PPFIBP1: variants seen among roughly 807,000 people sequenced by gnomAD.
The protein encoded by PPFIBP1 is PPFIB scaffold protein 1.
PPFIBP1 carries 112 observed loss-of-function variants against 137.8 expected under a neutral mutation model. The observed-to-expected ratio is 0.81, with a 90% CI of 0.70 to 0.95. The LOEUF (loss-of-function observed/expected upper bound fraction) is 0.95, where lower values mean the gene tolerates loss of function less well. PPFIBP1 is among the 40% of genes least tolerant of loss of function. The pLI, the probability that PPFIBP1 is intolerant of heterozygous loss-of-function variation, is 0.00. For missense variants in PPFIBP1, 1,083 were observed against 1,196.6 expected, an observed-to-expected ratio of 0.91 and a Z score of 1.40; for synonymous variants, 378 against 417.3, an observed-to-expected ratio of 0.91 and a Z score of 1.15.
chr12:27,637,164 T>A (rs1231029143), intron 4 of PPFIBP1: 2 of 152,238 alleles, frequency 1.3e-5, no homozygotes, highest in Non-Finnish European at 2.9e-5. Flanking sequence ...TTATTTTCTG[T>A]CTTTCCAATT....
intron 1 of PPFIBP1, among the ~76,000 whole-genome samples, chr12:27,577,213 C>CTT (rs34428994): frequency 1.2e-4 from 17 of 143,780 alleles, no homozygotes; most frequent in Admixed American, 1.0e-3. Context: ...TTTTCTGAAG[C>CTT]TTTTTTTTTT....
In PPFIBP1 at chr12:27,667,164, A is replaced by G. The variant is rs1056600841; in HGVS notation, c.992-2A>G. 6.4e-7 allele frequency: 1 copy of G among 1,558,852 alleles called. No individual in the cohort carries two copies. Among genetic ancestry groups the G allele is most frequent in the African/African-American group, 1.4e-5 (1 of 72,986 alleles). ...TCTTCTCTTTGTTTTATCTTTTCCT[A>G]GGCAAAGATGGAGAATATGAAGAGC... On this transcript the variant is annotated splice_acceptor_variant, in intron 12 of 29. Coordinates refer to ENST00000228425, the MANE Select transcript of PPFIBP1 (RefSeq NM_003622.4). LOFTEE classifies it high-confidence loss of function.
chr12:27,589,584 G>A (rs1240732780), intron 2 of PPFIBP1, among the ~76,000 whole-genome samples: 1 of 152,186 alleles, frequency 6.6e-6, no homozygotes, highest in South Asian at 2.1e-4. Context: ...GACTTGCAAA[G>A]CACACTGCTT....
intron 2 of PPFIBP1, among the ~76,000 whole-genome samples, chr12:27,586,637 C>G (rs142897702): frequency 0.02 from 3,008 of 151,876 alleles, 69 homozygotes; most frequent in African/African-American, 0.052. Flanking sequence ...GCAGAGGTTG[C>G]AGTGAGCAGA....
rs1338301948 is a variant in PPFIBP1 at position 27,694,791 on chromosome 12, A to G, written c.*1909A>G. 2 of 152,220 alleles carry G rather than the reference A, an allele frequency of 1.3e-5. No homozygotes were observed. The highest frequency in any genetic ancestry group is 2.9e-5 in the Non-Finnish European group (2 of 68,050). The allele number at this position is 152,220 out of a possible 1,614,324, so 9.4% of individuals were successfully genotyped here. On this transcript the variant is annotated 3_prime_UTR_variant, in exon 30 of 30. Coordinates refer to ENST00000228425, the MANE Select transcript of PPFIBP1 (RefSeq NM_003622.4). The stretch of plus-strand genomic sequence containing the variant: ...CCAACCCTACAAAAGACAGGTTTTC[A>G]CAAATTGAGGTGGAGGTGGGCGGTT...
At chr12:27,656,879 A>C in intron 9 of PPFIBP1, 149 bp downstream of exon 9, 8 of 575,614 alleles carry the variant, frequency 1.4e-5, no homozygotes, top group East Asian at 6.1e-5. Flanking sequence ...GGGATTCTCC[A>C]AGACTCTTTA....
intron 2 of PPFIBP1, among the ~76,000 whole-genome samples, chr12:27,618,421 A>G (rs749159504): frequency 3.9e-5 from 6 of 152,342 alleles, no homozygotes; most frequent in South Asian, 4.1e-4. Flanking sequence ...TTGACAATCT[A>G]TTCTCTGAAG....
intron 2 of PPFIBP1, among the ~76,000 whole-genome samples, chr12:27,631,270 A>C (rs998638602): frequency 6.6e-6 from 1 of 152,138 alleles, no homozygotes; most frequent in Admixed American, 6.5e-5. Context: ...TAGGAATTCT[A>C]CACTTGGAAT....
In PPFIBP1 at chr12:27,682,407, A is replaced by G. The variant is rs141451946; in HGVS notation, c.2067A>G (p.Ser689=). 1.8e-4 allele frequency: 297 copies of G among 1,612,580 alleles called. No individual in the cohort carries two copies. Among genetic ancestry groups the G allele is most frequent in the Non-Finnish European group, 2.4e-4 (288 of 1,178,726 alleles). Residue 689 remains serine, a synonymous_variant, in exon 23 of 30, where the codon TCA becomes TCG. Transcript: ENST00000228425. The part of the protein sequence containing the change: ...DLEKELGIKH[S]LHRKKLQLAL... ...TTCAGGAACTTGGAATCAAGCATTC[A>G]CTTCATCGAAAGAAACTCCAGCTAG...
intron 21 of PPFIBP1, among the ~76,000 whole-genome samples, chr12:27,680,958 T>C (rs1215341041): frequency 1.3e-5 from 2 of 152,210 alleles, no homozygotes; most frequent in African/African-American, 4.8e-5. Flanking sequence ...TGCCATATGT[T>C]GTCTTTGAAC....
rs564105809 is a variant in PPFIBP1 at position 27,582,788 on chromosome 12, A to T, written c.-36+4549A>T. Among the ~76,000 whole-genome samples the T allele has an allele frequency of 6.6e-5, 10 of 152,344 alleles. No homozygotes were observed. In the South Asian group the frequency reaches 1.0e-3, roughly 16 times the overall value. ...CTGTAGAAATTATAGCAGCTTTCCG[A>T]TTGAAATAGCCCTGAGAGTTTCTTG... On this transcript the variant is annotated intron_variant, in intron 2 of 29. Coordinates refer to ENST00000228425, the MANE Select transcript of PPFIBP1 (RefSeq NM_003622.4).
intron 1 of PPFIBP1, among the ~76,000 whole-genome samples, chr12:27,542,693 C>T (rs1414508257): frequency 2.0e-5 from 3 of 152,228 alleles, no homozygotes; most frequent in South Asian, 2.1e-4. Flanking sequence ...ACTTCTTTAT[C>T]TGATCTATTT....
intron 1 of PPFIBP1, among the ~76,000 whole-genome samples, chr12:27,569,039 T>A (rs920603208): frequency 3.3e-5 from 5 of 152,296 alleles, no homozygotes; most frequent in Admixed American, 3.3e-4. Context: ...CCCTAAATGC[T>A]TTTCTCAGTT....
intron 1 of PPFIBP1, among the ~76,000 whole-genome samples, chr12:27,530,252 G>T (rs992596571): frequency 2.0e-5 from 3 of 152,212 alleles, no homozygotes; most frequent in African/African-American, 7.2e-5. Flanking sequence ...AATGATGGAA[G>T]AGTCGAATGA....
At chr12:27,588,784 T>C (rs893042767) in intron 2 of PPFIBP1, among the ~76,000 whole-genome samples, 3 of 152,176 alleles carry the variant, frequency 2.0e-5, no homozygotes, top group African/African-American at 7.2e-5. Flanking sequence ...CATTTGAAAA[T>C]GTCTTAGAAG....
chr12:27,682,854 C>G (rs999596365), intron 24 of PPFIBP1, 151 bp downstream of exon 24: 1 of 1,328,464 alleles, frequency 7.5e-7, no homozygotes, highest in Non-Finnish European at 1.0e-6. Context: ...GCATATTTCC[C>G]ATGAGGCTGA....
chr12:27,548,807 T>C (rs900023223), intron 1 of PPFIBP1: 1 of 152,216 alleles, frequency 6.6e-6, no homozygotes, highest in African/African-American at 2.4e-5. Context: ...TGGACTTCGC[T>C]TCCCAGTGAG....
chr12:27,525,563 T>C (rs1196672953), intron 1 of PPFIBP1, among the ~76,000 whole-genome samples: 1 of 150,822 alleles, frequency 6.6e-6, no homozygotes, highest in East Asian at 1.9e-4. Flanking sequence ...CTGAGTCAAG[T>C]TTCCCCTTTC....
chr12:27,687,941 AG>A (rs2061296559), intron 25 of PPFIBP1, among the ~76,000 whole-genome samples: 2 of 152,138 alleles, frequency 1.3e-5, no homozygotes, highest in African/African-American at 4.8e-5. Context: ...TAAATTAGCC[AG>A]GCATGGTGGG....
Sources: gnomAD v4.1 joint callset for allele counts (sites outside exome capture counted in the v4.1 genomes callset) on GRCh38, gnomAD v4.1.1 for gene constraint, MANE v1.5 for transcripts, NCBI Gene and HGNC (gene_info 2026-07-23, HGNC 2026-07-21) for gene names.